The following PRKAR2A variants were observed in gnomAD, a reference collection of about 807,000 sequenced individuals.
PRKAR2A encodes protein kinase cAMP-dependent type II regulatory subunit alpha.
In PRKAR2A, 29 loss-of-function variants were observed where a neutral mutation model predicts 51.9. The observed-to-expected ratio is 0.56, with a 90% CI of 0.42 to 0.76. The LOEUF is 0.76. Ranked by LOEUF, PRKAR2A falls within the 30% of genes least tolerant of loss-of-function variation. PRKAR2A has a pLI of 0.00. For missense variants in PRKAR2A, 445 were observed against 512.1 expected (o/e 0.87, Z 1.26); for synonymous variants, 178 against 186.2 (o/e 0.96, Z 0.36).
chr3:48,779,824 T>A (rs1398220397), intron 5 of PRKAR2A, among the ~76,000 whole-genome samples: 1 of 116,628 alleles, frequency 8.6e-6, no homozygotes, highest in Non-Finnish European at 1.8e-5. Context: ...AATAAATAAA[T>A]AAATAAAATA....
chr3:48,768,209 G>C (rs1205186659), intron 6 of PRKAR2A, among the ~76,000 whole-genome samples: 1 of 151,834 alleles, frequency 6.6e-6, no homozygotes, highest in Non-Finnish European at 1.5e-5. Context: ...TGGGAGGATT[G>C]CTTGAGCCCT....
intron 1 of PRKAR2A, among the ~76,000 whole-genome samples, chr3:48,808,353 A>G (rs2082712158): frequency 6.6e-6 from 1 of 152,222 alleles, no homozygotes; most frequent in Non-Finnish European, 1.5e-5. Context: ...TCCCGGCTTC[A>G]TGCCATTCTC....
downstream of PRKAR2A, among the ~76,000 whole-genome samples, chr3:48,745,506 G>A (rs1049812079): frequency 2.1e-5 from 3 of 144,150 alleles, no homozygotes; most frequent in Non-Finnish European, 4.6e-5. Flanking sequence ...AGATGTTTCT[G>A]TGAGGGTGTT....
intron 1 of PRKAR2A, among the ~76,000 whole-genome samples, chr3:48,835,576 C>T (rs2083269500): frequency 6.7e-6 from 1 of 148,430 alleles, no homozygotes; most frequent in Admixed American, 6.8e-5. Context: ...GGAGGCAGAA[C>T]TTGCAGTGAG....
At chr3:48,834,050 A>AG (rs2083240237) in intron 1 of PRKAR2A, among the ~76,000 whole-genome samples, 1 of 151,516 alleles carries the variant, frequency 6.6e-6, no homozygotes, top group South Asian at 2.1e-4. Flanking sequence ...AAAAAAAAAA[A>AG]GAAAAAAAAG....
At chr3:48,829,605 A>T (rs1364996636) in intron 1 of PRKAR2A, among the ~76,000 whole-genome samples, 1 of 64,442 alleles carries the variant, frequency 1.6e-5, no homozygotes, top group Non-Finnish European at 2.8e-5. Context: ...CACACACATA[A>T]ATGTGTGTGT....
chr3:48,810,898 C>T (rs910307664), intron 1 of PRKAR2A, among the ~76,000 whole-genome samples: 2 of 152,060 alleles, frequency 1.3e-5, no homozygotes, highest in African/African-American at 4.8e-5. Flanking sequence ...GACAAGGGGC[C>T]GGGTGCAGTG....
At chr3:48,845,846 CCAGGTGGGAGGAT>C (rs140040151) in intron 1 of PRKAR2A, among the ~76,000 whole-genome samples, 7,518 of 151,896 alleles carry the variant, frequency 0.049, 258 homozygotes, top group Non-Finnish European at 0.076. Context: ...CTTGGGAGGC[CCAGGTGGGAGGAT>C]ACCTTGAGCT....
intron 1 of PRKAR2A, among the ~76,000 whole-genome samples, chr3:48,845,352 A>G (rs1426444275): frequency 6.6e-6 from 1 of 152,200 alleles, no homozygotes; most frequent in Admixed American, 6.5e-5. Context: ...GAATACACTT[A>G]GGGAGATTGC....
intron 1 of PRKAR2A, among the ~76,000 whole-genome samples, chr3:48,840,360 T>C (rs1284021137): frequency 1.3e-5 from 2 of 151,508 alleles, no homozygotes; most frequent in East Asian, 4.0e-4. Flanking sequence ...CCAGGCATGG[T>C]GGCACACGCC....
rs1234719096 is a variant in PRKAR2A, at chr3:48,760,967, C to T, written c.873+4037G>A. ...GCACACTGTACTGAAGCCTGAAAGA[C>T]AGAGTGAGACCTTGCTTCTAATAAA... is the stretch of plus-strand genomic sequence containing the variant. On this transcript the variant is annotated intron_variant, in intron 8 of 10. Coordinates refer to ENST00000265563, the MANE Select transcript of PRKAR2A (RefSeq NM_004157.4). 2.6e-5 allele frequency among the ~76,000 whole-genome samples: 4 copies of T among 151,544 alleles called. No individual in the cohort carries two copies. In the Admixed American group the frequency reaches 2.6e-4, roughly 10 times the overall value.
chr3:48,777,501 G>T (rs2082123777), intron 5 of PRKAR2A, among the ~76,000 whole-genome samples: 2 of 152,098 alleles, frequency 1.3e-5, no homozygotes, highest in South Asian at 4.1e-4. Context: ...CGCCTCCTGG[G>T]TTTACACCAT....
intron 6 of PRKAR2A, among the ~76,000 whole-genome samples, chr3:48,767,666 T>A (rs527367516): frequency 6.6e-6 from 1 of 152,134 alleles, no homozygotes; most frequent in South Asian, 2.1e-4. Context: ...GGCTCACACC[T>A]ATAATCCCAG....
chr3:48,785,677 G>A (rs1282277464), intron 4 of PRKAR2A, among the ~76,000 whole-genome samples: 4 of 152,092 alleles, frequency 2.6e-5, no homozygotes. Flanking sequence ...GATTACAGGC[G>A]TGAGCTACCT....
intron 1 of PRKAR2A, among the ~76,000 whole-genome samples, chr3:48,836,191 A>T (rs1408925299): frequency 6.6e-6 from 1 of 151,894 alleles, no homozygotes; most frequent in Non-Finnish European, 1.5e-5. Context: ...AGGCCAAATC[A>T]GGTGCATCAC....
intron 1 of PRKAR2A, among the ~76,000 whole-genome samples, chr3:48,834,377 T>C (rs2083245377): frequency 6.6e-6 from 1 of 151,796 alleles, no homozygotes; most frequent in Non-Finnish European, 1.5e-5. Context: ...AAAAAAACAA[T>C]AACAAACAAA....
At chr3:48,774,633 T>C (rs950233797) in intron 5 of PRKAR2A, among the ~76,000 whole-genome samples, 1 of 152,250 alleles carries the variant, frequency 6.6e-6, no homozygotes, top group Admixed American at 6.5e-5. Context: ...TCTCTATGTC[T>C]ACGATATCAA....
chr3:48,759,665 G>A (rs1201201244), intron 8 of PRKAR2A, among the ~76,000 whole-genome samples: 2 of 152,200 alleles, frequency 1.3e-5, no homozygotes, highest in Admixed American at 1.3e-4. Context: ...GGGATTACAG[G>A]CATGAGCCAC....
intron 6 of PRKAR2A, among the ~76,000 whole-genome samples, chr3:48,769,849 C>T (rs976475654): frequency 6.6e-6 from 1 of 152,160 alleles, no homozygotes; most frequent in East Asian, 1.9e-4. Context: ...ATGATCACAG[C>T]TCACTGCAGC....
Sources: gnomAD v4.1 joint callset for allele counts (sites outside exome capture counted in the v4.1 genomes callset) on GRCh38, gnomAD v4.1.1 for gene constraint, MANE v1.5 for transcripts, NCBI Gene and HGNC (gene_info 2026-07-23, HGNC 2026-07-21) for gene names.